YES1: variants seen among roughly 807,000 people sequenced by gnomAD.
YES1 encodes the protein YES proto-oncogene 1, Src family tyrosine kinase.
Under a neutral mutation model 70.4 loss-of-function variants are expected in YES1, and 39 were observed. That is an observed-to-expected ratio of 0.55 (90% confidence interval 0.43 to 0.72). The LOEUF is 0.72. YES1 is among the 30% of genes least tolerant of loss of function. The pLI is 0.00. For missense variants in YES1, 495 were observed against 644.8 expected (o/e 0.77, Z 2.52); for synonymous variants, 198 against 218.6 (o/e 0.91, Z 0.83).
At chr18:753,389 C>T (rs1187770074) in intron 2 of YES1, among the ~76,000 whole-genome samples, 1 of 152,136 alleles carries the variant, frequency 6.6e-6, no homozygotes, top group African/African-American at 2.4e-5. Context: ...TGAACTTACT[C>T]CTCCTATCTA....
At chr18:746,675 C>T (rs1393219585) in intron 4 of YES1, among the ~76,000 whole-genome samples, 1 of 152,194 alleles carries the variant, frequency 6.6e-6, no homozygotes, top group African/African-American at 2.4e-5. Flanking sequence ...CTATCATATA[C>T]AAGGTACGGT....
rs1906182165 is a variant in YES1 at position 790,337 on chromosome 18, C to G, written c.-9+21777G>C. On this transcript the variant is annotated intron_variant, in intron 1 of 11. Coordinates refer to ENST00000314574, the MANE Select transcript of YES1 (RefSeq NM_005433.4). The stretch of plus-strand genomic sequence containing the variant: ...GTTGCAATGAGCCGAGATGGCGTCA[C>G]TGAACTCCAGCCTCGGCAACAAGAG... Among the ~76,000 whole-genome samples, 4 of 152,238 alleles carry G rather than the reference C, an allele frequency of 2.6e-5. 1 individual carries two copies. The highest frequency in any genetic ancestry group is 4.1e-4 in the South Asian group (2 of 4,836).
chr18:771,122 T>C (rs1905135013), intron 1 of YES1, among the ~76,000 whole-genome samples: 1 of 152,172 alleles, frequency 6.6e-6, no homozygotes, highest in Admixed American at 6.5e-5. Context: ...TCCAGCACTT[T>C]GGGAGGCCCA....
intron 1 of YES1, among the ~76,000 whole-genome samples, chr18:782,112 C>G (rs1354111601): frequency 1.3e-5 from 2 of 152,128 alleles, no homozygotes; most frequent in Non-Finnish European, 2.9e-5. Context: ...CTCTCTCCAC[C>G]CCACTCCCAT....
intron 1 of YES1, among the ~76,000 whole-genome samples, chr18:810,050 G>C (rs899296857): frequency 1.3e-5 from 2 of 150,416 alleles, no homozygotes; most frequent in African/African-American, 4.9e-5. Context: ...GGTGACCCCA[G>C]CGCTTAGCAT....
chr18:772,637 G>A (rs1274090613), intron 1 of YES1, among the ~76,000 whole-genome samples: 3 of 151,872 alleles, frequency 2.0e-5, no homozygotes, highest in Non-Finnish European at 1.5e-5. Flanking sequence ...TCACCATGTT[G>A]GTCAGGCTGG....
intron 6 of YES1, among the ~76,000 whole-genome samples, chr18:744,578 T>C (rs933532010): frequency 1.3e-5 from 2 of 151,300 alleles, no homozygotes; most frequent in African/African-American, 4.9e-5. Flanking sequence ...TTTTAATAGA[T>C]AGGGTTTTGC....
At chr18:781,950 C>T (rs759605742) in intron 1 of YES1, among the ~76,000 whole-genome samples, 9 of 152,262 alleles carry the variant, frequency 5.9e-5, no homozygotes, top group South Asian at 2.1e-4. Flanking sequence ...TAAACATTAT[C>T]GGAGTGCCTC....
intron 1 of YES1, among the ~76,000 whole-genome samples, chr18:791,011 A>G (rs1428461099): frequency 6.6e-6 from 1 of 152,210 alleles, no homozygotes; most frequent in Non-Finnish European, 1.5e-5. Flanking sequence ...GCATTTTGGA[A>G]GGCCAGGGCG....
intron 11 of YES1, among the ~76,000 whole-genome samples, chr18:732,462 A>T (rs953849532): frequency 1.8e-4 from 27 of 149,784 alleles, no homozygotes; most frequent in African/African-American, 5.7e-4. Context: ...AAAAAACAAA[A>T]CACCAATCAC....
chr18:810,052 G>C (rs1337544246), intron 1 of YES1, among the ~76,000 whole-genome samples: 5 of 150,046 alleles, frequency 3.3e-5, no homozygotes, highest in Non-Finnish European at 3.0e-5. Context: ...TGACCCCAGC[G>C]CTTAGCATCA....
rs77803101 is a variant in YES1 at position 769,523 on chromosome 18, T to C, written c.-8-12688A>G. 6.4e-3 allele frequency among the ~76,000 whole-genome samples: 968 copies of C among 152,320 alleles called. 3 individuals carry two copies. The highest frequency in any genetic ancestry group is 0.022 in the South Asian group (104 of 4,826). Reference sequence around the variant, plus strand: ...TCAATCTTAAGAGGAAAGTATTTAGTCCATCACTATTATGTATGATATTAG... The same window carrying C: ...TCAATCTTAAGAGGAAAGTATTTAGCCCATCACTATTATGTATGATATTAG... On this transcript the variant is annotated intron_variant, in intron 1 of 11. Transcript: ENST00000314574.
At chr18:797,769 TC>T (rs577420987) in intron 1 of YES1, among the ~76,000 whole-genome samples, 41 of 152,344 alleles carry the variant, frequency 2.7e-4, no homozygotes, top group Middle Eastern at 3.4e-3. Context: ...TTTTAAGACA[TC>T]ATCTAATCAT....
chr18:804,695 C>T (rs919743133), intron 1 of YES1, among the ~76,000 whole-genome samples: 2 of 150,766 alleles, frequency 1.3e-5, no homozygotes, highest in South Asian at 2.1e-4. Flanking sequence ...GGCGGATCAC[C>T]TGAGATAGGG....
rs974464468 is a variant in YES1, at chr18:806,454, G to A, written c.-9+5660C>T. Among the ~76,000 whole-genome samples, 6 of 152,296 alleles carry A rather than the reference G, an allele frequency of 3.9e-5. No individual in the cohort carries two copies. The South Asian group carries it at 1.0e-3, about 26-fold the overall frequency. On this transcript the variant is annotated intron_variant, in intron 1 of 11. Coordinates refer to ENST00000314574, the MANE Select transcript of YES1 (RefSeq NM_005433.4). ...ACTTCGAGCTATGAAAAAGTATTAAGCTAGTTTTATAACATTTTAGTAGAG... is the reference window on the plus strand; with the variant it reads ...ACTTCGAGCTATGAAAAAGTATTAAACTAGTTTTATAACATTTTAGTAGAG...
intron 11 of YES1, among the ~76,000 whole-genome samples, chr18:730,406 G>A (rs998360088): frequency 2.0e-5 from 3 of 150,254 alleles, no homozygotes; most frequent in East Asian, 2.0e-4. Context: ...GTGCAGTGGC[G>A]CAATCATAGC....
intron 1 of YES1, among the ~76,000 whole-genome samples, chr18:788,456 T>C (rs748818575): frequency 1.3e-5 from 2 of 152,190 alleles, no homozygotes; most frequent in African/African-American, 4.8e-5. Context: ...GATGTGTATA[T>C]ATTTAAAATT....
At chr18:801,873 C>T (rs758097592) in intron 1 of YES1, among the ~76,000 whole-genome samples, 6 of 152,142 alleles carry the variant, frequency 3.9e-5, no homozygotes, top group Non-Finnish European at 5.9e-5. Context: ...GGAAAACATG[C>T]TCTGTTAATC....
intron 1 of YES1, among the ~76,000 whole-genome samples, chr18:770,059 A>G (rs1905084537): frequency 6.6e-6 from 1 of 151,382 alleles, no homozygotes; most frequent in East Asian, 1.9e-4. Flanking sequence ...TCCTGGGTTC[A>G]AGGGATTCTC....
Sources: gnomAD v4.1 joint callset for allele counts (sites outside exome capture counted in the v4.1 genomes callset) on GRCh38, gnomAD v4.1.1 for gene constraint, MANE v1.5 for transcripts, NCBI Gene and HGNC (gene_info 2026-07-23, HGNC 2026-07-21) for gene names.